Variants in TRIM44 observed in about 807,000 individuals in gnomAD.
TRIM44 encodes the protein tripartite motif containing 44.
A neutral mutation model predicts 37.4 loss-of-function variants in TRIM44; 13 were observed. The observed-to-expected ratio is 0.35, with a 90% CI of 0.23 to 0.55. The LOEUF (loss-of-function observed/expected upper bound fraction) is 0.55. Among genes scored for constraint, TRIM44 ranks in the 20% least tolerant of loss-of-function variants. The pLI is 0.89. For missense variants in TRIM44, 426 were observed against 437.2 expected, an observed-to-expected ratio of 0.97 and a Z score of 0.23; for synonymous variants, 175 against 157.2, an observed-to-expected ratio of 1.11 and a Z score of -0.85.
At chr11:35,786,637 T>C (rs891819369) in intron 4 of TRIM44, among the ~76,000 whole-genome samples, 3 of 152,210 alleles carry the variant, frequency 2.0e-5, no homozygotes, top group Non-Finnish European at 4.4e-5. Flanking sequence ...GAACCTCATT[T>C]TCCACATCTG....
intron 3 of TRIM44, 22 bp downstream of exon 3, chr11:35,726,185 A>AT: frequency 6.2e-7 from 1 of 1,609,390 alleles, no homozygotes; most frequent in Non-Finnish European, 8.5e-7. Context: ...GCCCATAATT[A>AT]TTAGTAGCAA....
At chr11:35,673,155 A>G (rs1851418744) in intron 1 of TRIM44, among the ~76,000 whole-genome samples, 1 of 152,236 alleles carries the variant, frequency 6.6e-6, no homozygotes, top group South Asian at 2.1e-4. Context: ...ATGGTGTTAT[A>G]TGCAATGAAA....
In TRIM44 at chr11:35,709,184, C is replaced by A. The variant is rs140652327; in HGVS notation, c.748-16740C>A. ...GAGGCTCTCATTTGTAAATGCACTTCAGTGCATTGTTGTTTATTCAGAACA... is the reference window on the plus strand; with the variant it reads ...GAGGCTCTCATTTGTAAATGCACTTAAGTGCATTGTTGTTTATTCAGAACA... On this transcript the variant is annotated intron_variant, in intron 2 of 4. Transcript: ENST00000299413. Among the ~76,000 whole-genome samples the A allele has an allele frequency of 1.9e-3, 282 of 152,256 alleles. 2 individuals are homozygous for A. The highest frequency in any genetic ancestry group is 6.5e-3 in the African/African-American group (271 of 41,558).
intron 4 of TRIM44, among the ~76,000 whole-genome samples, chr11:35,749,379 G>C (rs1852533841): frequency 6.6e-6 from 1 of 152,134 alleles, no homozygotes; most frequent in Non-Finnish European, 1.5e-5. Flanking sequence ...ACAAAAGATA[G>C]AATAAGAATA....
At chr11:35,676,301 C>T (rs1298782046) in intron 1 of TRIM44, among the ~76,000 whole-genome samples, 1 of 152,256 alleles carries the variant, frequency 6.6e-6, no homozygotes, top group Non-Finnish European at 1.5e-5. Flanking sequence ...AGGTTCTATT[C>T]TGAGTTCCTT....
At chr11:35,765,581 G>T (rs982222786) in intron 4 of TRIM44, among the ~76,000 whole-genome samples, 1 of 152,134 alleles carries the variant, frequency 6.6e-6, no homozygotes, top group Non-Finnish European at 1.5e-5. Flanking sequence ...AGTGTGCATT[G>T]CCTCACTATT....
intron 2 of TRIM44, among the ~76,000 whole-genome samples, chr11:35,717,453 G>A (rs1158467279): frequency 2.0e-5 from 3 of 152,028 alleles, no homozygotes; most frequent in Non-Finnish European, 2.9e-5. Flanking sequence ...TCTCCAACCT[G>A]ACCAATCAGG....
chr11:35,772,621 A>G (rs1852889027), intron 4 of TRIM44, among the ~76,000 whole-genome samples: 1 of 152,196 alleles, frequency 6.6e-6, no homozygotes, highest in African/African-American at 2.4e-5. Context: ...TCAGACTTTC[A>G]TGGGGCTGGT....
At chr11:35,773,351 A>AT (rs1852901031) in intron 4 of TRIM44, among the ~76,000 whole-genome samples, 1 of 151,586 alleles carries the variant, frequency 6.6e-6, no homozygotes, top group Admixed American at 6.6e-5. Flanking sequence ...TGCTTGTTGA[A>AT]TTGTTCAAGT....
At chr11:35,761,490 A>G (rs535215337) in intron 4 of TRIM44, among the ~76,000 whole-genome samples, 1 of 152,254 alleles carries the variant, frequency 6.6e-6, no homozygotes, top group South Asian at 2.1e-4. Context: ...TTCCTTAGAT[A>G]ATAATGATCA....
At chr11:35,739,968 G>A (rs141650378) in intron 4 of TRIM44, among the ~76,000 whole-genome samples, 235 of 151,972 alleles carry the variant, frequency 1.5e-3, no homozygotes, top group African/African-American at 5.3e-3. Flanking sequence ...GCATGGTGGC[G>A]TGTGCCTATA....
chr11:35,729,171 CA>C (rs533694173), intron 3 of TRIM44, among the ~76,000 whole-genome samples: 182 of 143,296 alleles, frequency 1.3e-3, no homozygotes, highest in African/African-American at 3.5e-3. Flanking sequence ...TACACACAGA[CA>C]AAAAAAAAAT....
intron 4 of TRIM44, among the ~76,000 whole-genome samples, chr11:35,785,045 C>T (rs910792458): frequency 2.6e-5 from 4 of 152,182 alleles, no homozygotes; most frequent in African/African-American, 9.6e-5. Context: ...GCTTCTTTCA[C>T]CCCAAAAAGC....
chr11:35,675,772 G>A (rs1469424852), intron 1 of TRIM44, among the ~76,000 whole-genome samples: 1 of 152,140 alleles, frequency 6.6e-6, no homozygotes, highest in South Asian at 2.1e-4. Context: ...TACCCACCTC[G>A]GCCTCCCAAA....
intron 4 of TRIM44, among the ~76,000 whole-genome samples, chr11:35,777,589 AC>A (rs1852989612): frequency 6.6e-6 from 1 of 152,176 alleles, no homozygotes; most frequent in Non-Finnish European, 1.5e-5. Flanking sequence ...AGTGGCTGGT[AC>A]CATAGGTTGT....
intron 2 of TRIM44, among the ~76,000 whole-genome samples, chr11:35,692,872 G>A (rs953989328): frequency 3.3e-5 from 5 of 151,338 alleles, no homozygotes; most frequent in Non-Finnish European, 7.4e-5. Flanking sequence ...GCAGTGAGCC[G>A]AGATCATGCC....
chr11:35,733,962 G>T (rs1321615172), intron 3 of TRIM44, among the ~76,000 whole-genome samples: 1 of 152,076 alleles, frequency 6.6e-6, no homozygotes, highest in Admixed American at 6.6e-5. Context: ...CCTCAAAGTG[G>T]CAATATCAAT....
intron 2 of TRIM44, among the ~76,000 whole-genome samples, chr11:35,717,250 C>T (rs533773442): frequency 2.0e-5 from 3 of 152,232 alleles, no homozygotes; most frequent in South Asian, 4.1e-4. Context: ...GATTTTGCCC[C>T]CAGAGGGCGG....
At chr11:35,684,931 A>T (rs1449285896) in intron 1 of TRIM44, among the ~76,000 whole-genome samples, 1 of 152,250 alleles carries the variant, frequency 6.6e-6, no homozygotes, top group Non-Finnish European at 1.5e-5. Context: ...ACCAGTCTGT[A>T]AAATAGACAT....
Sources: gnomAD v4.1 joint callset for allele counts (sites outside exome capture counted in the v4.1 genomes callset) on GRCh38, gnomAD v4.1.1 for gene constraint, MANE v1.5 for transcripts, NCBI Gene and HGNC (gene_info 2026-07-23, HGNC 2026-07-21) for gene names.